The following CEP85L variants were observed in gnomAD, a reference collection of about 807,000 sequenced individuals.
CEP85L encodes the protein centrosomal protein 85L.
A neutral mutation model predicts 100.3 loss-of-function variants in CEP85L; 60 were observed. The observed-to-expected ratio is 0.60, with a 90% CI of 0.49 to 0.74. CEP85L has a LOEUF of 0.74. CEP85L is among the 30% of genes least tolerant of loss of function. The pLI is 0.00. For synonymous variants in CEP85L, 319 were observed against 322.7 expected, an observed-to-expected ratio of 0.99 and a Z score of 0.12; for missense variants, 973 against 936.2, an observed-to-expected ratio of 1.04 and a Z score of -0.51.
chr6:118,703,980 A>G (rs892884314), intron 1 of CEP85L, among the ~76,000 whole-genome samples: 9 of 152,228 alleles, frequency 5.9e-5, no homozygotes, highest in African/African-American at 2.2e-4. Flanking sequence ...TTTTATACGC[A>G]TATGTGAATG....
intron 2 of CEP85L, among the ~76,000 whole-genome samples, chr6:118,575,411 T>C (rs906996965): frequency 7.9e-5 from 12 of 152,224 alleles, no homozygotes; most frequent in African/African-American, 1.7e-4. Flanking sequence ...TAATAGAATA[T>C]GTCAATGACA....
intron 2 of CEP85L, among the ~76,000 whole-genome samples, chr6:118,584,287 C>T (rs184271595): frequency 6.6e-6 from 1 of 152,308 alleles, no homozygotes; most frequent in African/African-American, 2.4e-5. Flanking sequence ...AGGCTTAGTG[C>T]TGTCTGAGGG....
At chr6:118,490,503 G>A (rs1159488397) in intron 6 of CEP85L, among the ~76,000 whole-genome samples, 1 of 152,096 alleles carries the variant, frequency 6.6e-6, no homozygotes, top group Admixed American at 6.5e-5. Flanking sequence ...ACTAGTAGTG[G>A]GAGTATTAAA....
intron 2 of CEP85L, among the ~76,000 whole-genome samples, chr6:118,582,212 G>A (rs1393384152): frequency 6.6e-6 from 1 of 152,128 alleles, no homozygotes; most frequent in Non-Finnish European, 1.5e-5. Context: ...ACCTCTGCAG[G>A]AAATGGCTGA....
chr6:118,706,256 C>A (rs1400487107), intron 1 of CEP85L, among the ~76,000 whole-genome samples: 1 of 152,156 alleles, frequency 6.6e-6, no homozygotes, highest in Non-Finnish European at 1.5e-5. Flanking sequence ...AGTCTAAGTT[C>A]ATCAATCAAA....
At chr6:118,604,515 T>C (rs572506051) in intron 2 of CEP85L, among the ~76,000 whole-genome samples, 11 of 152,374 alleles carry the variant, frequency 7.2e-5, no homozygotes, top group African/African-American at 2.4e-4. Flanking sequence ...AAAGTACATT[T>C]TATTTTCCTT....
chr6:118,504,161 G>A (rs571155151), intron 5 of CEP85L, among the ~76,000 whole-genome samples: 68 of 152,232 alleles, frequency 4.5e-4, no homozygotes, highest in Admixed American at 2.8e-3. Flanking sequence ...ATCACTTGAG[G>A]CCAGTAGTTC....
At chr6:118,548,883 TATC>T (rs1349557684) in intron 3 of CEP85L, among the ~76,000 whole-genome samples, 7 of 152,010 alleles carry the variant, frequency 4.6e-5, no homozygotes, top group African/African-American at 1.4e-4. Context: ...ATTCCAATAT[TATC>T]ATAATTTCAT....
intron 1 of CEP85L, among the ~76,000 whole-genome samples, chr6:118,709,556 T>TGTGTGTGTGTGTGA (rs751698371): frequency 2.1e-5 from 3 of 142,220 alleles, no homozygotes; most frequent in African/African-American, 8.5e-5. Flanking sequence ...TGTGTGTGTG[T>TGTGTGTGTGTGTGA]GAGAGAGAGA....
rs1406976770 is a variant in CEP85L at position 118,464,864 on chromosome 6, T to G, written c.*541A>C. On this transcript the variant is annotated 3_prime_UTR_variant, in exon 13 of 13. Transcript: ENST00000368491. Reference sequence around the variant, plus strand: ...AATGGTTTTGCCTCCTGTACTACCATGACAACACTTGCCTGCTGTTTGAAC... The same window carrying G: ...AATGGTTTTGCCTCCTGTACTACCAGGACAACACTTGCCTGCTGTTTGAAC... The G allele has an allele frequency of 6.6e-6, 1 of 152,384 alleles. No individual in the cohort carries two copies. Among genetic ancestry groups the G allele is most frequent in the South Asian group, 2.1e-4 (1 of 4,844 alleles). 9.4% of individuals were successfully genotyped at this position (152,384 alleles called of 1,614,324 possible).
intron 2 of CEP85L, among the ~76,000 whole-genome samples, chr6:118,588,581 C>T (rs1780999876): frequency 6.6e-6 from 1 of 152,138 alleles, no homozygotes; most frequent in Non-Finnish European, 1.5e-5. Context: ...AAAATGAAGG[C>T]TTCAGCCCCA....
intron 2 of CEP85L, among the ~76,000 whole-genome samples, chr6:118,586,490 C>T (rs1780869319): frequency 6.6e-6 from 1 of 152,016 alleles, no homozygotes; most frequent in Non-Finnish European, 1.5e-5. Flanking sequence ...CTTCCTAAGC[C>T]CAACCTAGGA....
upstream of CEP85L, among the ~76,000 whole-genome samples, chr6:118,653,345 G>T (rs942282437): frequency 6.6e-6 from 1 of 152,136 alleles, no homozygotes; most frequent in African/African-American, 2.4e-5. Context: ...AATTAAACTT[G>T]GGAGGATAGA....
chr6:118,707,241 C>A (rs1422654928), intron 1 of CEP85L, among the ~76,000 whole-genome samples: 2 of 147,806 alleles, frequency 1.4e-5, no homozygotes, highest in Admixed American at 1.4e-4. Flanking sequence ...GTCACCCAGA[C>A]TGAGCTCATT....
At position 118,481,826 on chromosome 6, in the gene CEP85L, T is replaced by A. The variant is rs1773805527; in HGVS notation, c.1698A>T (p.Leu566Phe). ...KKQCQDKETQLICQKKKEKEL... is the reference protein window; with the variant it reads ...KKQCQDKETQFICQKKKEKEL... ...CCTTTTCTTTCTTTTTCTGGCATAT[T>A]AACTGTGTCTCTTTATCTTGACACT... The change falls in exon 8 of 13, where the codon TTA becomes TTT. Residue 566 changes from leucine (L) to phenylalanine (F), a missense_variant. Leu to Phe is a conservative substitution (Grantham distance 22). Around this residue, in one of 3 missense-constraint regions of CEP85L, gnomAD observed 890 missense variants for 844.5 expected, o/e 1.05. Transcript: ENST00000368491. 6.3e-7 allele frequency: 1 copy of A among 1,599,040 alleles called. No homozygotes were observed. Among genetic ancestry groups the A allele is most frequent in the African/African-American group, 1.3e-5 (1 of 74,144 alleles).
At chr6:118,483,408 C>T (rs975666087) in intron 7 of CEP85L, among the ~76,000 whole-genome samples, 2 of 151,946 alleles carry the variant, frequency 1.3e-5, no homozygotes, top group African/African-American at 4.8e-5. Flanking sequence ...TTGGAAAGCA[C>T]CAGAACTGGG....
intron 6 of CEP85L, among the ~76,000 whole-genome samples, chr6:118,486,074 C>A (rs780062128): frequency 6.6e-6 from 1 of 152,204 alleles, no homozygotes; most frequent in Non-Finnish European, 1.5e-5. Context: ...CACTCTCCTA[C>A]GAGACACTGT....
chr6:118,538,926 G>T (rs1777753100), intron 3 of CEP85L, among the ~76,000 whole-genome samples: 1 of 151,946 alleles, frequency 6.6e-6, no homozygotes, highest in Non-Finnish European at 1.5e-5. Context: ...AAAAATTAAT[G>T]ATATAATTGA....
chr6:118,687,305 A>C (rs1370318261), intron 1 of CEP85L, among the ~76,000 whole-genome samples: 3 of 152,146 alleles, frequency 2.0e-5, no homozygotes, highest in African/African-American at 7.2e-5. Flanking sequence ...AGCTCACTGC[A>C]ACCTCCGCCT....
Sources: allele counts gnomAD v4.1 joint callset (sites outside exome capture counted in the v4.1 genomes callset), GRCh38; gene constraint gnomAD v4.1.1; regional missense constraint gnomAD v4.1.1; transcripts MANE v1.5; gene names NCBI Gene and HGNC (gene_info 2026-07-23, HGNC 2026-07-21).